The following SLC16A2 variants were observed in gnomAD, a reference collection of about 807,000 sequenced individuals.
SLC16A2 encodes solute carrier family 16 member 2.
In SLC16A2, 3 loss-of-function variants were observed where a neutral mutation model predicts 27.2. The observed-to-expected ratio is 0.11, with a 90% CI of 0.05 to 0.28. The LOEUF is 0.28. Ranked by LOEUF, SLC16A2 falls within the 10% of genes least tolerant of loss-of-function variation. SLC16A2 has a pLI of 1.00. For missense variants in SLC16A2, 295 were observed against 458.5 expected (o/e 0.64, Z 3.26); for synonymous variants, 202 against 187.8 (o/e 1.08, Z -0.62).
intron 1 of SLC16A2, among the ~76,000 whole-genome samples, chrX:74,484,369 G>T (rs1488871745): frequency 8.9e-6 from 1 of 112,262 alleles, no homozygotes; most frequent in Admixed American, 9.4e-5. Context: ...TTTCCTGGTT[G>T]ACAATTGGTT....
intron 1 of SLC16A2, among the ~76,000 whole-genome samples, chrX:74,490,245 T>C (rs1191740253): frequency 1.8e-5 from 2 of 110,792 alleles, no homozygotes; most frequent in Non-Finnish European, 3.8e-5. Context: ...AAAATGACCA[T>C]ACTATTTTCA....
chrX:74,506,018 GGA>G (rs1930119499), intron 1 of SLC16A2, among the ~76,000 whole-genome samples: 1 of 112,029 alleles, frequency 8.9e-6, no homozygotes, highest in Non-Finnish European at 1.9e-5. Flanking sequence ...TCTGGTGGTG[GGA>G]CAGATCAATG....
intron 2 of SLC16A2, among the ~76,000 whole-genome samples, chrX:74,523,117 C>T (rs1024926232): frequency 8.9e-6 from 1 of 112,225 alleles, no homozygotes; most frequent in Non-Finnish European, 1.9e-5. Context: ...CAAGCCAGGC[C>T]GATCCCATAG....
At chrX:74,496,814 G>A in intron 1 of SLC16A2, among the ~76,000 whole-genome samples, 1 of 112,288 alleles carries the variant, frequency 8.9e-6, no homozygotes, top group South Asian at 3.7e-4. Context: ...TAGAATGGGA[G>A]GGTTTTCCCC....
At chrX:74,500,124 ACTG>A (rs1181066586) in intron 1 of SLC16A2, among the ~76,000 whole-genome samples, 57,980 of 110,310 alleles carry the variant, frequency 0.53, 13,396 homozygotes, top group Non-Finnish European at 0.73. Context: ...TTATGTCAAA[ACTG>A]TCTTGGGACA....
At chrX:74,476,792 G>A (rs1929490538) in intron 1 of SLC16A2, among the ~76,000 whole-genome samples, 1 of 111,744 alleles carries the variant, frequency 8.9e-6, no homozygotes, top group South Asian at 3.7e-4. Context: ...ATTGATTTTT[G>A]TATGTTGAAC....
chrX:74,440,801 G>GGTGTGTGT (rs35869235), intron 1 of SLC16A2, among the ~76,000 whole-genome samples: 3 of 103,078 alleles, frequency 2.9e-5, no homozygotes, highest in African/African-American at 1.1e-4. Context: ...AATAAATGAG[G>GGTGTGTGT]GTGTGTGTGT....
At chrX:74,441,654 C>A (rs1272141675) in intron 1 of SLC16A2, among the ~76,000 whole-genome samples, 1 of 111,291 alleles carries the variant, frequency 9.0e-6, no homozygotes, top group African/African-American at 3.3e-5. Flanking sequence ...CTTTCCAGGG[C>A]TTTGAATATG....
intron 1 of SLC16A2, among the ~76,000 whole-genome samples, chrX:74,443,628 C>T (rs773382855): frequency 8.9e-6 from 1 of 112,299 alleles, no homozygotes; most frequent in African/African-American, 3.2e-5. Context: ...CCCTGTAACT[C>T]TCCGCCTCCT....
chrX:74,437,816 C>T (rs937742910), intron 1 of SLC16A2, among the ~76,000 whole-genome samples: 1 of 111,511 alleles, frequency 9.0e-6, no homozygotes, highest in Non-Finnish European at 1.9e-5. Flanking sequence ...AGGTAAAAAA[C>T]CTATTGTTCC....
At position 74,444,605 on chromosome X, in the gene SLC16A2, C is replaced by A. The variant is rs745470766; in HGVS notation, c.430+22538C>A. Among the ~76,000 whole-genome samples the A allele has an allele frequency of 1.2e-4, 13 of 112,161 alleles. No homozygotes were observed. The South Asian group carries it at 4.8e-3, about 42-fold the overall frequency. Reference sequence around the variant, plus strand: ...CCTCAGTTCCCTCATTTGTAAAGACCAGCCTGTTTTTTAAAGTTTGACACA... The same window carrying A: ...CCTCAGTTCCCTCATTTGTAAAGACAAGCCTGTTTTTTAAAGTTTGACACA... On this transcript the variant is annotated intron_variant, in intron 1 of 5. Transcript: ENST00000587091.
chrX:74,478,135 G>A (rs745544463), intron 1 of SLC16A2, among the ~76,000 whole-genome samples: 1 of 111,638 alleles, frequency 9.0e-6, no homozygotes, highest in Non-Finnish European at 1.9e-5. Context: ...TCTCTTTGTA[G>A]GTCTCTAAGG....
At chrX:74,490,720 C>T (rs1302620783) in intron 1 of SLC16A2, among the ~76,000 whole-genome samples, 3 of 111,468 alleles carry the variant, frequency 2.7e-5, no homozygotes, top group Non-Finnish European at 5.6e-5. Flanking sequence ...GTTTTCTCTT[C>T]AGAGCTAAGG....
chrX:74,473,520 C>A (rs1477596004), intron 1 of SLC16A2: 3 of 620,190 alleles, frequency 4.8e-6, no homozygotes, highest in Non-Finnish European at 8.1e-6. Flanking sequence ...CTTTTCTTAC[C>A]ACTGCCTCAG....
intron 1 of SLC16A2, among the ~76,000 whole-genome samples, chrX:74,486,135 A>G (rs773498130): frequency 1.8e-5 from 2 of 111,099 alleles, no homozygotes; most frequent in Non-Finnish European, 3.8e-5. Flanking sequence ...CTTTTAGCCT[A>G]ATTGGTATTT....
chrX:74,510,187 T>C (rs893675412), intron 1 of SLC16A2, among the ~76,000 whole-genome samples: 3 of 111,680 alleles, frequency 2.7e-5, no homozygotes, highest in Non-Finnish European at 5.6e-5. Flanking sequence ...CTGTCATCAA[T>C]CTTTTTATGT....
intron 1 of SLC16A2, among the ~76,000 whole-genome samples, chrX:74,492,276 GC>G (rs1421737800): frequency 9.0e-6 from 1 of 111,053 alleles, no homozygotes; most frequent in Non-Finnish European, 1.9e-5. Context: ...AGCTCCATTG[GC>G]CCCCTAGGGA....
At chrX:74,496,541 C>T (rs191077717) in intron 1 of SLC16A2, among the ~76,000 whole-genome samples, 1 of 112,260 alleles carries the variant, frequency 8.9e-6, no homozygotes, top group Admixed American at 9.4e-5. Context: ...CAGGGAGCTA[C>T]CCCAGGCTGA....
chrX:74,530,736 C>T (rs769287157), intron 5 of SLC16A2, among the ~76,000 whole-genome samples: 2 of 111,708 alleles, frequency 1.8e-5, no homozygotes, highest in South Asian at 3.8e-4. Flanking sequence ...TGAGGTACTA[C>T]GAGGTACCAC....
Sources: allele counts gnomAD v4.1 joint callset (sites outside exome capture counted in the v4.1 genomes callset), GRCh38; gene constraint gnomAD v4.1.1; transcripts MANE v1.5; gene names NCBI Gene and HGNC (gene_info 2026-07-23, HGNC 2026-07-21).